The following CWC22 variants were observed in gnomAD, a reference collection of about 807,000 sequenced individuals.
CWC22 encodes CWC22 spliceosome associated protein, also known as pre-mRNA-splicing factor CWC22 homolog.
Under a neutral mutation model 117.2 loss-of-function variants are expected in CWC22, and 53 were observed. The observed-to-expected ratio is 0.45, with a 90% CI of 0.36 to 0.57. CWC22 has a LOEUF of 0.57. Among genes scored for constraint, CWC22 ranks in the 20% least tolerant of loss-of-function variants. The pLI, the probability that CWC22 is intolerant of heterozygous loss-of-function variation, is 0.00. For missense variants in CWC22, 980 were observed against 1,068.8 expected (o/e 0.92, Z 1.16); for synonymous variants, 360 against 355.6 (o/e 1.01, Z -0.14).
At chr2:179,945,794 C>G (rs1368866066) in intron 19 of CWC22, 79 bp from the exon 20 acceptor site, 2 of 913,992 alleles carry the variant, frequency 2.2e-6, no homozygotes, top group African/African-American at 3.3e-5. Flanking sequence ...TTTACTGATA[C>G]AGTGTAGGTT....
chr2:179,975,325 T>C (rs920980956), intron 6 of CWC22, among the ~76,000 whole-genome samples: 6 of 152,074 alleles, frequency 3.9e-5, no homozygotes, highest in East Asian at 1.9e-4. Context: ...GACGAACCCA[T>C]AGCTAATATA....
At chr2:179,988,511 C>A (rs1052377262) in intron 3 of CWC22, 66 bp downstream of exon 3, 109 of 841,294 alleles carry the variant, frequency 1.3e-4, no homozygotes, top group Non-Finnish European at 1.3e-4. Flanking sequence ...AATCTAAGAG[C>A]TAAATTATTA....
chr2:179,955,891 T>C (rs1338828093), intron 14 of CWC22, among the ~76,000 whole-genome samples: 3 of 151,938 alleles, frequency 2.0e-5, no homozygotes, highest in Non-Finnish European at 2.9e-5. Flanking sequence ...ATAAGGTGAA[T>C]AGAGACAAAA....
chr2:179,962,657 A>G (rs1371562950), intron 13 of CWC22, among the ~76,000 whole-genome samples: 10 of 151,802 alleles, frequency 6.6e-5, no homozygotes, highest in Admixed American at 6.6e-4. Flanking sequence ...TTTTTGCACT[A>G]AACAATTCTG....
At chr2:179,954,861 G>A in intron 15 of CWC22, 96 bp downstream of exon 15, 1 of 755,000 alleles carries the variant, frequency 1.3e-6, no homozygotes, top group Non-Finnish European at 2.2e-6. Flanking sequence ...TAGCAAAAGT[G>A]GTAATATGTT....
intron 1 of CWC22, among the ~76,000 whole-genome samples, chr2:180,003,351 T>G (rs190976447): frequency 3.9e-5 from 6 of 152,308 alleles, no homozygotes; most frequent in Admixed American, 2.6e-4. Context: ...ACTTACAAAA[T>G]CAACCCTAAT....
At position 179,945,365 on chromosome 2, in the gene CWC22, A is replaced by C; in HGVS notation, c.2491T>G (p.Ser831Ala). The C allele has an allele frequency of 6.2e-7, 1 of 1,612,476 alleles. No individual in the cohort carries two copies. Among genetic ancestry groups the C allele is most frequent in the Non-Finnish European group, 8.5e-7 (1 of 1,179,406 alleles). ...KKRGERRNSF[S>A]ENEKHTHRIK... ...CGGTGTGTATGCTTCTCATTTTCAG[A>C]AAAAGAATTTCTTCTCTCTCCTCTC... is the stretch of plus-strand genomic sequence containing the variant. Residue 831 changes from serine (S) to alanine (A), a missense_variant, in exon 20 of 20, where the codon TCT becomes GCT. Transcript: ENST00000410053.
chr2:179,948,542 T>C (rs751650625), intron 19 of CWC22, among the ~76,000 whole-genome samples: 4 of 152,192 alleles, frequency 2.6e-5, no homozygotes, highest in Non-Finnish European at 4.4e-5. Context: ...GGACACCACC[T>C]TACTCAAGTG....
intron 19 of CWC22, among the ~76,000 whole-genome samples, chr2:179,949,581 G>A (rs1189096260): frequency 1.3e-5 from 2 of 152,058 alleles, no homozygotes; most frequent in Admixed American, 6.6e-5. Context: ...CGGTGGGAGT[G>A]TAAATAGGAA....
At chr2:179,973,496 G>C in intron 7 of CWC22, 138 bp downstream of exon 7, 1 of 672,922 alleles carries the variant, frequency 1.5e-6, no homozygotes. Context: ...ACAGATCAAA[G>C]AAGTTCTCAT....
chr2:180,002,952 TA>T (rs1458936564), intron 1 of CWC22, among the ~76,000 whole-genome samples: 2 of 152,238 alleles, frequency 1.3e-5, no homozygotes, highest in African/African-American at 4.8e-5. Context: ...TGGTCACTGC[TA>T]CATATCCAGA....
chr2:179,956,582 C>CTA (rs111908450), intron 14 of CWC22, among the ~76,000 whole-genome samples: 3,006 of 148,226 alleles, frequency 0.02, 105 homozygotes, highest in African/African-American at 0.069. Context: ...TTATATTGTG[C>CTA]TATATATATA....
In CWC22 at chr2:179,966,384, C is replaced by T. The variant is rs557210007; in HGVS notation, c.1211-402G>A. Among the ~76,000 whole-genome samples the T allele has an allele frequency of 3.3e-5, 5 of 152,110 alleles. No homozygotes were observed. The South Asian group carries it at 1.0e-3, about 32-fold the overall frequency. On this transcript the variant is annotated intron_variant, in intron 11 of 19. Coordinates refer to ENST00000410053, the MANE Select transcript of CWC22 (RefSeq NM_020943.3). ...AAAAGTTAAGGCTAGATACAGAAAA[C>T]AAGAATTTAGGCTAAGAATGTACTT...
Position 179,973,650 on chromosome 2 carries a change from T to A in CWC22, c.734A>T (p.Tyr245Phe), listed in dbSNP as rs752971411. The A allele has an allele frequency of 6.2e-7, 1 of 1,602,486 alleles. No homozygotes were observed. Among genetic ancestry groups the A allele is most frequent in the South Asian group, 1.1e-5 (1 of 89,790 alleles). ...KRLILNFRKG[Y>F]RRNDKQLCLT... is the part of the protein sequence containing the mutation. ...CATATATACCTTGTCATTTCTTCGA[T>A]AGCCTTTTCGAAAATTAAGAATTAA... The change falls in exon 7 of 20, where the codon TAT (tyrosine) becomes TTT (phenylalanine). Residue 245 changes from tyrosine to phenylalanine, a missense_variant. Tyr to Phe is a conservative substitution (Grantham distance 22). Coordinates refer to ENST00000410053, the MANE Select transcript of CWC22 (RefSeq NM_020943.3).
intron 4 of CWC22, among the ~76,000 whole-genome samples, chr2:179,983,701 G>A (rs1322342861): frequency 6.6e-6 from 1 of 152,094 alleles, no homozygotes; most frequent in Non-Finnish European, 1.5e-5. Flanking sequence ...CTCCTAGGGA[G>A]GATAGACAAT....
At chr2:179,952,139 T>C (rs1290493778) in intron 17 of CWC22, among the ~76,000 whole-genome samples, 1 of 152,086 alleles carries the variant, frequency 6.6e-6, no homozygotes, top group Non-Finnish European at 1.5e-5. Flanking sequence ...ACTGATAATA[T>C]TAGTTATCAT....
intron 17 of CWC22, among the ~76,000 whole-genome samples, chr2:179,951,714 A>G (rs1246274669): frequency 2.0e-5 from 3 of 152,110 alleles, no homozygotes; most frequent in Non-Finnish European, 4.4e-5. Flanking sequence ...GGTCAAGTAG[A>G]CAGGGACCAA....
At chr2:180,001,936 G>C (rs1687858520) in intron 1 of CWC22, among the ~76,000 whole-genome samples, 1 of 152,138 alleles carries the variant, frequency 6.6e-6, no homozygotes, top group Non-Finnish European at 1.5e-5. Flanking sequence ...AACACTAGAG[G>C]CTCTCAATAC....
chr2:179,959,285 T>C (rs1297535519), intron 13 of CWC22, among the ~76,000 whole-genome samples: 3 of 152,170 alleles, frequency 2.0e-5, no homozygotes, highest in South Asian at 2.1e-4. Context: ...CCTTGAATTA[T>C]GCTAAGTGAA....
Sources: allele counts gnomAD v4.1 joint callset (sites outside exome capture counted in the v4.1 genomes callset), GRCh38; gene constraint gnomAD v4.1.1; transcripts MANE v1.5; gene names NCBI Gene and HGNC (gene_info 2026-07-23, HGNC 2026-07-21).